The following ERC2 variants were observed in gnomAD, a reference collection of about 807,000 sequenced individuals.
ERC2 encodes the protein ELKS/RAB6-interacting/CAST family member 2, also known as ERC protein 2.
Under a neutral mutation model 114.8 loss-of-function variants are expected in ERC2, and 42 were observed. The observed-to-expected ratio is 0.37, with a 90% confidence interval of 0.29 to 0.47. The LOEUF is 0.47. Among genes scored for constraint, ERC2 ranks in the 20% least tolerant of loss-of-function variants. ERC2 has a pLI of 0.99. For missense variants in ERC2, 939 were observed against 1,150.7 expected (o/e 0.82, Z 2.66); for synonymous variants, 454 against 425.5 (o/e 1.07, Z -0.82).
At chr3:56,461,132 G>A (rs1278029079) in intron 1 of ERC2, among the ~76,000 whole-genome samples, 3 of 151,960 alleles carry the variant, frequency 2.0e-5, no homozygotes, top group Non-Finnish European at 2.9e-5. Flanking sequence ...AGACCAGCAC[G>A]GACAGCGGAT....
chr3:55,968,359 T>G (rs2068906684), intron 12 of ERC2, among the ~76,000 whole-genome samples: 1 of 152,152 alleles, frequency 6.6e-6, no homozygotes, highest in Non-Finnish European at 1.5e-5. Context: ...ACCGAACAAA[T>G]TGTTGGGAGT....
At chr3:55,820,324 C>T (rs1427785207) in intron 14 of ERC2, among the ~76,000 whole-genome samples, 1 of 152,134 alleles carries the variant, frequency 6.6e-6, no homozygotes, top group Non-Finnish European at 1.5e-5. Context: ...GAAAAACTAG[C>T]TCAGAACGGG....
chr3:56,109,960 A>G (rs950082801), intron 6 of ERC2, among the ~76,000 whole-genome samples: 4 of 152,196 alleles, frequency 2.6e-5, no homozygotes, highest in African/African-American at 9.6e-5. Flanking sequence ...ACCAAAATTT[A>G]GAAGACAAAC....
Position 56,405,172 on chromosome 3 carries a change from G to A in ERC2, c.657+29179C>T, listed in dbSNP as rs571549463. ...AAAAGAATGGATGGAGGCCAGGCAC[G>A]TTGGCTCATGCCTGTAATCCCAGCA... On this transcript the variant is annotated intron_variant, in intron 2 of 17. Transcript: ENST00000288221. Among the ~76,000 whole-genome samples, 277 of 152,298 alleles carry A rather than the reference G, an allele frequency of 1.8e-3. 1 individual carries two copies. The highest frequency in any genetic ancestry group is 5.9e-3 in the African/African-American group (245 of 41,554).
At chr3:56,154,962 T>G (rs2081614618) in intron 4 of ERC2, among the ~76,000 whole-genome samples, 1 of 152,220 alleles carries the variant, frequency 6.6e-6, no homozygotes, top group South Asian at 2.1e-4. Context: ...TTAAACTTTC[T>G]GAGCATGTTC....
At chr3:56,073,908 T>C (rs1332348327) in intron 7 of ERC2, among the ~76,000 whole-genome samples, 1 of 152,170 alleles carries the variant, frequency 6.6e-6, no homozygotes, top group African/African-American at 2.4e-5. Context: ...TAAACAGATA[T>C]TGAAAGCCAC....
intron 7 of ERC2, among the ~76,000 whole-genome samples, chr3:56,051,013 A>C (rs2075736738): frequency 6.6e-6 from 1 of 152,200 alleles, no homozygotes; most frequent in Non-Finnish European, 1.5e-5. Context: ...TCACAGAGGA[A>C]AGCCCATTCC....
intron 3 of ERC2, among the ~76,000 whole-genome samples, chr3:56,269,976 T>C (rs2053556125): frequency 1.3e-5 from 2 of 152,006 alleles, no homozygotes; most frequent in South Asian, 2.1e-4. Flanking sequence ...TTGGAAGCCG[T>C]TCCAAGGACA....
At chr3:56,112,547 T>G (rs2079021157) in intron 6 of ERC2, among the ~76,000 whole-genome samples, 1 of 151,984 alleles carries the variant, frequency 6.6e-6, no homozygotes, top group African/African-American at 2.4e-5. Context: ...CTTCAGTCTT[T>G]AAGGAGAGTA....
At chr3:55,537,918 C>T (rs1247186310) in intron 17 of ERC2, among the ~76,000 whole-genome samples, 1 of 152,198 alleles carries the variant, frequency 6.6e-6, no homozygotes, top group African/African-American at 2.4e-5. Context: ...TATTAGAACA[C>T]TGCATCCCCT....
intron 2 of ERC2, among the ~76,000 whole-genome samples, chr3:56,404,091 A>G (rs1040954764): frequency 2.0e-5 from 3 of 152,236 alleles, no homozygotes; most frequent in Non-Finnish European, 2.9e-5. Context: ...TTTGCACCCA[A>G]TGACTGGGGG....
At chr3:55,693,635 A>G (rs558337524) in intron 16 of ERC2, among the ~76,000 whole-genome samples, 1 of 152,302 alleles carries the variant, frequency 6.6e-6, no homozygotes, top group African/African-American at 2.4e-5. Flanking sequence ...TAAACTCACA[A>G]AACAGAAGAA....
intron 3 of ERC2, among the ~76,000 whole-genome samples, chr3:56,249,951 G>A (rs915614318): frequency 3.0e-5 from 4 of 131,870 alleles, no homozygotes; most frequent in East Asian, 4.9e-4. Flanking sequence ...TCCACCTCCC[G>A]GGTTCAAGCG....
chr3:55,676,245 C>G (rs1175529908), intron 17 of ERC2, among the ~76,000 whole-genome samples: 1 of 151,678 alleles, frequency 6.6e-6, no homozygotes, highest in Non-Finnish European at 1.5e-5. Flanking sequence ...TTTCTGATAA[C>G]TTGGGTGATC....
At chr3:56,162,442 C>T (rs549685272) in intron 4 of ERC2, among the ~76,000 whole-genome samples, 8 of 152,222 alleles carry the variant, frequency 5.3e-5, no homozygotes, top group African/African-American at 1.7e-4. Context: ...GCTATAGTTC[C>T]AGTAAAACTA....
intron 2 of ERC2, among the ~76,000 whole-genome samples, chr3:56,419,721 A>G (rs1289763541): frequency 6.6e-6 from 1 of 152,240 alleles, no homozygotes; most frequent in East Asian, 1.9e-4. Context: ...GGTAATATCT[A>G]GACAGAGGAT....
At chr3:55,828,777 A>T (rs2060442391) in intron 14 of ERC2, among the ~76,000 whole-genome samples, 1 of 151,394 alleles carries the variant, frequency 6.6e-6, no homozygotes, top group Non-Finnish European at 1.5e-5. Context: ...TTGACTGCTA[A>T]GAAAAAAAAA....
intron 4 of ERC2, among the ~76,000 whole-genome samples, chr3:56,154,174 G>A (rs2081572814): frequency 6.6e-6 from 1 of 152,124 alleles, no homozygotes; most frequent in African/African-American, 2.4e-5. Flanking sequence ...TGTGTGGGAT[G>A]ACCGTGGTTA....
chr3:55,740,286 A>G (rs1409750753), intron 14 of ERC2, among the ~76,000 whole-genome samples: 1 of 152,166 alleles, frequency 6.6e-6, no homozygotes, highest in Non-Finnish European at 1.5e-5. Context: ...CACCAACCTT[A>G]AATTAATATT....
Sources: gnomAD v4.1 joint callset for allele counts (sites outside exome capture counted in the v4.1 genomes callset) on GRCh38, gnomAD v4.1.1 for gene constraint, MANE v1.5 for transcripts, NCBI Gene and HGNC (gene_info 2026-07-23, HGNC 2026-07-21) for gene names.